GALNT2: variants seen among roughly 807,000 people sequenced by gnomAD.
GALNT2 encodes the protein polypeptide N-acetylgalactosaminyltransferase 2.
GALNT2 carries 31 observed loss-of-function variants against 81.4 expected under a neutral mutation model. The ratio of observed to expected loss-of-function variants is 0.38; its 90% CI spans 0.29 to 0.51. GALNT2 has a LOEUF of 0.51. Among genes scored for constraint, GALNT2 ranks in the 20% least tolerant of loss-of-function variants. GALNT2 has a pLI of 0.87. For synonymous variants in GALNT2, 303 were observed against 287.4 expected (o/e 1.05, Z -0.55); for missense variants, 629 against 765.7 (o/e 0.82, Z 2.11).
chr1:230,114,825 T>G (rs1033643162), intron 1 of GALNT2, among the ~76,000 whole-genome samples: 1 of 152,124 alleles, frequency 6.6e-6, no homozygotes, highest in Non-Finnish European at 1.5e-5. Flanking sequence ...TAGGCTTTAT[T>G]TTTTAGAGCA....
chr1:230,153,401 G>T lies in GALNT2; in HGVS notation c.127-24817G>T, dbSNP rs73109899. ...ACACACTTAAACAGTCATTGATGGG[G>T]GGTCAGCCTTCAACATTTTAAGGGT... On this transcript the variant is annotated intron_variant, in intron 1 of 15. Transcript: ENST00000366672. Among the ~76,000 whole-genome samples the T allele has an allele frequency of 4.3e-3, 658 of 152,244 alleles. 7 individuals carry two copies. Among genetic ancestry groups the T allele is most frequent in the Non-Finnish European group, 7.0e-3 (478 of 68,014 alleles).
At chr1:230,204,361 A>G (rs377293506) in intron 3 of GALNT2, among the ~76,000 whole-genome samples, 16 of 151,746 alleles carry the variant, frequency 1.1e-4, no homozygotes, top group African/African-American at 3.1e-4. Context: ...TAGAGATGGG[A>G]TTTCACCATG....
At chr1:230,100,551 C>T (rs974741728) in intron 1 of GALNT2, among the ~76,000 whole-genome samples, 7 of 152,160 alleles carry the variant, frequency 4.6e-5, no homozygotes, top group African/African-American at 7.2e-5. Context: ...GTCTCGAACT[C>T]GCCACCTCAG....
chr1:230,252,066 G>T (rs139573433), intron 10 of GALNT2, among the ~76,000 whole-genome samples: 1 of 152,182 alleles, frequency 6.6e-6, no homozygotes, highest in Non-Finnish European at 1.5e-5. Context: ...CTGTCCCTCC[G>T]TGAGGGGCTC....
chr1:230,277,190 A>G (rs1435913410), intron 15 of GALNT2, among the ~76,000 whole-genome samples: 1 of 152,058 alleles, frequency 6.6e-6, no homozygotes, highest in Non-Finnish European at 1.5e-5. Flanking sequence ...AAACCCCAAG[A>G]CTCAGGCTAT....
intron 3 of GALNT2, among the ~76,000 whole-genome samples, chr1:230,234,266 G>A (rs566436875): frequency 6.6e-6 from 1 of 152,290 alleles, no homozygotes; most frequent in South Asian, 2.1e-4. Flanking sequence ...CTGTGCTTCT[G>A]AAGGGAAGTT....
At chr1:230,215,873 A>G (rs914915310) in intron 3 of GALNT2, among the ~76,000 whole-genome samples, 1 of 152,232 alleles carries the variant, frequency 6.6e-6, no homozygotes, top group African/African-American at 2.4e-5. Flanking sequence ...AGTGGCTTGT[A>G]TATATATCAG....
At chr1:230,242,228 T>G (rs1001489270) in intron 6 of GALNT2, among the ~76,000 whole-genome samples, 1 of 152,240 alleles carries the variant, frequency 6.6e-6, no homozygotes, top group Non-Finnish European at 1.5e-5. Flanking sequence ...TGCTTCTGGC[T>G]TTCAAATTGC....
intron 1 of GALNT2, among the ~76,000 whole-genome samples, chr1:230,092,758 C>G (rs16850896): frequency 1.3e-5 from 2 of 151,956 alleles, no homozygotes; most frequent in Non-Finnish European, 2.9e-5. Flanking sequence ...TAAAAAGATT[C>G]GAGGCCGCTT....
intron 1 of GALNT2, among the ~76,000 whole-genome samples, chr1:230,122,175 G>A (rs75272564): frequency 0.048 from 7,293 of 152,086 alleles, 543 homozygotes; most frequent in East Asian, 0.33. Context: ...CCTTTGCCCC[G>A]CAAGCATGGG....
At chr1:230,217,467 A>T (rs1252292674) in intron 3 of GALNT2, among the ~76,000 whole-genome samples, 3 of 152,192 alleles carry the variant, frequency 2.0e-5, no homozygotes, top group African/African-American at 7.2e-5. Context: ...GAGTAGAAAG[A>T]GGTGAGGTCT....
At position 230,186,159 on chromosome 1, in the gene GALNT2, A is replaced by AAGAGTGTTTGCTGGTG. The variant is rs1044900785; in HGVS notation, c.220+7876_220+7891dup. ...TTTATGAAGTGTTTGCTTTGCTGGC[A>AAGAGTGTTTGCTGGTG]AGAGTGTTTGCTGGTGAGAGTGTTT... On this transcript the variant is annotated intron_variant, in intron 2 of 15. Coordinates refer to ENST00000366672, the MANE Select transcript of GALNT2 (RefSeq NM_004481.5). Among the ~76,000 whole-genome samples the AAGAGTGTTTGCTGGTG allele has an allele frequency of 2.5e-4, 38 of 152,288 alleles. No homozygotes were observed. In the East Asian group the frequency reaches 3.1e-3, roughly 12 times the overall value.
At chr1:230,218,845 GA>G (rs1161143930) in intron 3 of GALNT2, among the ~76,000 whole-genome samples, 1 of 152,236 alleles carries the variant, frequency 6.6e-6, no homozygotes, top group Admixed American at 6.5e-5. Context: ...GGCCTGTTAG[GA>G]ACCAGGCCAC....
intron 8 of GALNT2, among the ~76,000 whole-genome samples, chr1:230,248,855 C>T (rs544667924): frequency 1.3e-5 from 2 of 152,262 alleles, no homozygotes; most frequent in East Asian, 3.9e-4. Flanking sequence ...CTTGGACATG[C>T]CCTGGTTATC....
At chr1:230,120,399 G>T (rs1425706806) in intron 1 of GALNT2, among the ~76,000 whole-genome samples, 1 of 152,066 alleles carries the variant, frequency 6.6e-6, no homozygotes, top group African/African-American at 2.4e-5. Context: ...CATCTCCAGG[G>T]CTCTTCCCGA....
chr1:230,148,492 T>C (rs1268505028), intron 1 of GALNT2, among the ~76,000 whole-genome samples: 2 of 152,258 alleles, frequency 1.3e-5, no homozygotes, highest in Non-Finnish European at 2.9e-5. Context: ...CAGAGGCGGC[T>C]CCACGCCTTG....
chr1:230,095,285 T>C (rs539771288), intron 1 of GALNT2, among the ~76,000 whole-genome samples: 73 of 152,280 alleles, frequency 4.8e-4, no homozygotes, highest in African/African-American at 1.7e-3. Context: ...ATGCTGACCA[T>C]GTACCCCCTG....
intron 2 of GALNT2, among the ~76,000 whole-genome samples, chr1:230,199,351 T>TG (rs1663812164): frequency 6.6e-6 from 1 of 152,186 alleles, no homozygotes; most frequent in African/African-American, 2.4e-5. Context: ...CCTTTGCCTC[T>TG]GGGGGTAGCT....
At chr1:230,117,349 G>A (rs934589995) in intron 1 of GALNT2, among the ~76,000 whole-genome samples, 15 of 152,198 alleles carry the variant, frequency 9.9e-5, no homozygotes, top group Non-Finnish European at 1.5e-4. Flanking sequence ...CTTTCTTATC[G>A]TTCATGTGTT....
Sources: allele counts gnomAD v4.1 joint callset (sites outside exome capture counted in the v4.1 genomes callset), GRCh38; gene constraint gnomAD v4.1.1; transcripts MANE v1.5; gene names NCBI Gene and HGNC (gene_info 2026-07-23, HGNC 2026-07-21).